The following CDKAL1 variants were observed in gnomAD, a reference collection of about 807,000 sequenced individuals.
CDKAL1 encodes CDKAL1 threonylcarbamoyladenosine tRNA methylthiotransferase.
In CDKAL1, 32 loss-of-function variants were observed where a neutral mutation model predicts 68.2. The ratio of observed to expected loss-of-function variants is 0.47; its 90% CI spans 0.35 to 0.63. The LOEUF is 0.63. Ranked by LOEUF, CDKAL1 falls within the 30% of genes least tolerant of loss-of-function variation. The pLI is 0.00. For synonymous variants in CDKAL1, 234 were observed against 244.3 expected, an observed-to-expected ratio of 0.96 and a Z score of 0.39; for missense variants, 606 against 696.7, an observed-to-expected ratio of 0.87 and a Z score of 1.47.
intron 4 of CDKAL1, among the ~76,000 whole-genome samples, chr6:20,609,282 TCTC>T (rs1284818056): frequency 1.4e-5 from 2 of 141,514 alleles, no homozygotes; most frequent in Non-Finnish European, 3.1e-5. Flanking sequence ...TTCTCCTCCT[TCTC>T]CTTCTTCTCC....
chr6:20,636,832 T>C (rs1298858693), intron 4 of CDKAL1, among the ~76,000 whole-genome samples: 2 of 151,476 alleles, frequency 1.3e-5, no homozygotes, highest in Admixed American at 6.6e-5. Context: ...AGGTCAGGAG[T>C]TCGAGACCAG....
chr6:21,111,398 C>G (rs1774113952), intron 13 of CDKAL1, among the ~76,000 whole-genome samples: 1 of 152,188 alleles, frequency 6.6e-6, no homozygotes, highest in African/African-American at 2.4e-5. Flanking sequence ...CTACTAGAAA[C>G]TGTTAAAACA....
intron 9 of CDKAL1, among the ~76,000 whole-genome samples, chr6:20,855,620 GC>G (rs1226616498): frequency 2.0e-5 from 3 of 152,144 alleles, no homozygotes; most frequent in Non-Finnish European, 2.9e-5. Flanking sequence ...TGTTATAGAG[GC>G]TAATACCTTA....
At chr6:21,003,705 G>A (rs73733199) in intron 11 of CDKAL1, among the ~76,000 whole-genome samples, 18,663 of 152,066 alleles carry the variant, frequency 0.12, 2,256 homozygotes, top group African/African-American at 0.32. Context: ...CAAAGTTTCA[G>A]GGCTTTCTTT....
chr6:20,901,699 A>AAAAAAAG lies in CDKAL1; in HGVS notation c.743-53716_743-53715insAAGAAAA, dbSNP rs1554137984. Reference sequence around the variant, plus strand: ...CCATCTGGAAAAAAAAAAAAAAAAAAAAAAGAAAAGAAACACAGTTTTTCC... The same window carrying AAAAAAAG: ...CCATCTGGAAAAAAAAAAAAAAAAAAAAAAAAGAAAAGAAAAGAAACACAGTTTTTCC... On this transcript the variant is annotated intron_variant, in intron 9 of 15. Coordinates refer to ENST00000274695, the MANE Select transcript of CDKAL1 (RefSeq NM_017774.3). Among the ~76,000 whole-genome samples, 387 of 75,956 alleles carry AAAAAAAG rather than the reference A, an allele frequency of 5.1e-3. 8 individuals carry two copies. The highest frequency in any genetic ancestry group is 6.1e-3 in the Non-Finnish European group (265 of 43,480). 49.8% of individuals were successfully genotyped at this position (75,956 alleles called of 152,430 possible).
At chr6:21,160,823 A>G (rs935082598) in intron 13 of CDKAL1, among the ~76,000 whole-genome samples, 3 of 151,536 alleles carry the variant, frequency 2.0e-5, no homozygotes, top group Non-Finnish European at 4.4e-5. Context: ...CTAGGTTTTT[A>G]GCCCTGCGTG....
chr6:20,905,895 T>C (rs1762211599), intron 9 of CDKAL1, among the ~76,000 whole-genome samples: 1 of 150,860 alleles, frequency 6.6e-6, no homozygotes, highest in South Asian at 2.1e-4. Flanking sequence ...ACATTCTCGG[T>C]AAACAAAAGC....
chr6:20,675,411 G>A (rs1253469231), intron 5 of CDKAL1, among the ~76,000 whole-genome samples: 1 of 152,040 alleles, frequency 6.6e-6, no homozygotes, highest in Non-Finnish European at 1.5e-5. Flanking sequence ...TCTAATTGGG[G>A]CAATTTTGGT....
chr6:20,585,649 A>G (rs1765324354), intron 4 of CDKAL1, among the ~76,000 whole-genome samples: 1 of 152,184 alleles, frequency 6.6e-6, no homozygotes, highest in African/African-American at 2.4e-5. Context: ...CCTTCTGGAA[A>G]TACTGTGGCC....
intron 10 of CDKAL1, among the ~76,000 whole-genome samples, chr6:20,962,455 T>G (rs1765102907): frequency 6.6e-6 from 1 of 152,204 alleles, no homozygotes; most frequent in Non-Finnish European, 1.5e-5. Context: ...TGAAATAAAT[T>G]CATCTGCTGA....
At chr6:20,896,098 C>CTTTTTTTT (rs1291895133) in intron 9 of CDKAL1, among the ~76,000 whole-genome samples, 13 of 104,156 alleles carry the variant, frequency 1.2e-4, no homozygotes, top group South Asian at 3.3e-4. Context: ...CTTTTCTTTT[C>CTTTTTTTT]TTTTCTTTTT....
chr6:20,886,059 C>T (rs946291388), intron 9 of CDKAL1, among the ~76,000 whole-genome samples: 6 of 152,064 alleles, frequency 3.9e-5, no homozygotes, highest in Admixed American at 2.0e-4. Context: ...AAAAGAACTA[C>T]GACTCAACAA....
At chr6:20,703,626 TGA>T (rs1425331092) in intron 5 of CDKAL1, among the ~76,000 whole-genome samples, 3 of 152,294 alleles carry the variant, frequency 2.0e-5, no homozygotes, top group Admixed American at 6.5e-5. Flanking sequence ...AGGGTACAAT[TGA>T]GCTATAATTT....
chr6:21,178,135 CAGG>C lies in CDKAL1; in HGVS notation c.1300-19883_1300-19881del, dbSNP rs368102498. ...CAGCCAATGTTGCAAGCATAAGGCA[CAGG>C]AGAAGATGAGAGATGGAGATTTAAG... On this transcript the variant is annotated intron_variant, in intron 13 of 15. Transcript: ENST00000274695. Among the ~76,000 whole-genome samples, 913 of 151,846 alleles carry C rather than the reference CAGG, an allele frequency of 6.0e-3. 12 individuals are homozygous for C. Among genetic ancestry groups the C allele is most frequent in the African/African-American group, 0.021 (850 of 41,408 alleles).
At position 21,028,026 on chromosome 6, in the gene CDKAL1, A is replaced by C. The variant is rs752352476; in HGVS notation, c.1055+27654A>C. Reference sequence around the variant, plus strand: ...GGACTAAACACAGGAACTGAGGAGGAGTCAGAGAATCCAAGAACAAGGCAG... The same window carrying C: ...GGACTAAACACAGGAACTGAGGAGGCGTCAGAGAATCCAAGAACAAGGCAG... On this transcript the variant is annotated intron_variant, in intron 11 of 15. Transcript: ENST00000274695. Among the ~76,000 whole-genome samples the C allele has an allele frequency of 9.2e-4, 140 of 152,120 alleles. 1 individual carries two copies. The highest frequency in any genetic ancestry group is 1.6e-4 in the Non-Finnish European group (11 of 68,034).
intron 13 of CDKAL1, among the ~76,000 whole-genome samples, chr6:21,179,963 G>A (rs1029770011): frequency 1.3e-5 from 2 of 152,200 alleles, no homozygotes; most frequent in East Asian, 3.9e-4. Context: ...CGAGGCTGCA[G>A]TATGCTGAAA....
chr6:20,609,451 A>C (rs1396642428), intron 4 of CDKAL1, among the ~76,000 whole-genome samples: 1 of 145,678 alleles, frequency 6.9e-6, no homozygotes, highest in Non-Finnish European at 1.5e-5. Context: ...GCTAGAATGC[A>C]GTGGCACAGT....
rs111564329 is a variant in CDKAL1, at chr6:20,607,493, A to G, written c.287-41800A>G. Among the ~76,000 whole-genome samples the G allele has an allele frequency of 9.0e-3, 1,374 of 152,246 alleles. 8 individuals are homozygous for G. Among genetic ancestry groups the G allele is most frequent in the Non-Finnish European group, 0.014 (931 of 68,002 alleles). On this transcript the variant is annotated intron_variant, in intron 4 of 15. Coordinates refer to ENST00000274695, the MANE Select transcript of CDKAL1 (RefSeq NM_017774.3). ...TTCCCAAATAAAATCATGTGACCCT[A>G]AAGAACAATTTAAATAACACTATAA...
chr6:20,992,031 C>CTTTTTTTTTTTTTTTTTTTTTT (rs71530401), intron 10 of CDKAL1, among the ~76,000 whole-genome samples: 2 of 100,476 alleles, frequency 2.0e-5, no homozygotes, highest in Non-Finnish European at 3.8e-5. Flanking sequence ...TTTTTCTTTT[C>CTTTTTTTTTTTTTTTTTTTTTT]TTTTTTTTTT....
Sources: allele counts gnomAD v4.1 joint callset (sites outside exome capture counted in the v4.1 genomes callset), GRCh38; gene constraint gnomAD v4.1.1; transcripts MANE v1.5; gene names NCBI Gene and HGNC (gene_info 2026-07-23, HGNC 2026-07-21).